Variants in NCKAP5 observed in about 807,000 individuals in gnomAD.
NCKAP5 encodes NCK associated protein 5, also known as nck-associated protein 5.
Under a neutral mutation model 167.0 loss-of-function variants are expected in NCKAP5, and 92 were observed. That is an observed-to-expected ratio of 0.55 (90% confidence interval 0.47 to 0.66). The LOEUF (loss-of-function observed/expected upper bound fraction) is 0.66, where lower values mean the gene tolerates loss of function less well. NCKAP5 is among the 30% of genes least tolerant of loss of function. The pLI, the probability that NCKAP5 is intolerant of heterozygous loss-of-function variation, is 0.00. For missense variants in NCKAP5, 2,378 were observed against 2,315.0 expected, an observed-to-expected ratio of 1.03 and a Z score of -0.56; for synonymous variants, 891 against 877.4, an observed-to-expected ratio of 1.02 and a Z score of -0.27.
chr2:133,423,133 C>G (rs1689588113), intron 3 of NCKAP5, among the ~76,000 whole-genome samples: 1 of 152,166 alleles, frequency 6.6e-6, no homozygotes, highest in Admixed American at 6.5e-5. Flanking sequence ...TGCACACTTC[C>G]CCAAGTGTTT....
At chr2:132,864,034 T>G (rs573260873) in intron 10 of NCKAP5, among the ~76,000 whole-genome samples, 1 of 152,310 alleles carries the variant, frequency 6.6e-6, no homozygotes, top group South Asian at 2.1e-4. Flanking sequence ...TTAGGCTGGA[T>G]GCAAGAGCAG....
chr2:133,401,292 C>T (rs1177186608), intron 3 of NCKAP5, among the ~76,000 whole-genome samples: 1 of 152,166 alleles, frequency 6.6e-6, no homozygotes, highest in Admixed American at 6.5e-5. Flanking sequence ...GAATCTTTTC[C>T]ATTTGGCTGT....
At chr2:133,171,120 T>G (rs919573143) in intron 5 of NCKAP5, among the ~76,000 whole-genome samples, 69 of 152,132 alleles carry the variant, frequency 4.5e-4, no homozygotes, top group African/African-American at 1.7e-3. Context: ...AGTAGAGAGA[T>G]AAAGGGAGCA....
intron 4 of NCKAP5, chr2:133,265,025 AGGGAGGT>A (rs1399120709): frequency 6.6e-6 from 1 of 152,218 alleles, no homozygotes; most frequent in Non-Finnish European, 1.5e-5. Context: ...GTGTCTTAGG[AGGGAGGT>A]GGCATGAAGC....
At chr2:133,163,908 A>C (rs1054793828) in intron 5 of NCKAP5, among the ~76,000 whole-genome samples, 1 of 152,210 alleles carries the variant, frequency 6.6e-6, no homozygotes, top group Non-Finnish European at 1.5e-5. Context: ...GTACATCTAC[A>C]CTAAATAATT....
chr2:133,318,170 A>T (rs930984503), intron 3 of NCKAP5, among the ~76,000 whole-genome samples: 2 of 152,192 alleles, frequency 1.3e-5, no homozygotes, highest in African/African-American at 4.8e-5. Context: ...ATCATGCCTC[A>T]GTCAATTGCC....
At chr2:132,803,347 A>G (rs1447692954) in intron 11 of NCKAP5, among the ~76,000 whole-genome samples, 1 of 152,242 alleles carries the variant, frequency 6.6e-6, no homozygotes, top group Non-Finnish European at 1.5e-5. Context: ...ATCAATGTTT[A>G]GCTGCCCTGA....
In NCKAP5 at chr2:133,193,280, G is replaced by A. The variant is rs1011895219; in HGVS notation, c.207+20436C>T. 4.6e-5 allele frequency among the ~76,000 whole-genome samples: 7 copies of A among 152,076 alleles called. No homozygotes were observed. The South Asian group carries it at 1.2e-3, about 27-fold the overall frequency. On this transcript the variant is annotated intron_variant, in intron 5 of 19. Transcript: ENST00000409261. ...GAGAAGGGGAAATGGTTGTGGCTAT[G>A]AAAGCACAACGTAAGGGATCCATGT...
intron 3 of NCKAP5, among the ~76,000 whole-genome samples, chr2:133,342,867 G>A (rs2150774411): frequency 6.6e-6 from 1 of 152,234 alleles, no homozygotes; most frequent in South Asian, 2.1e-4. Context: ...GACAGGCTAG[G>A]AGGACACCAG....
chr2:133,137,406 T>TTGTGTGTGTGTGTGTGTGTGTGTG (rs58955655), intron 5 of NCKAP5, among the ~76,000 whole-genome samples: 3 of 136,204 alleles, frequency 2.2e-5, no homozygotes, highest in Admixed American at 7.3e-5. Context: ...GAGCTTGGTT[T>TTGTGTGTGTGTGTGTGTGTGTGTG]TGTGTGTGTG....
chr2:132,945,479 T>C (rs1697646324), intron 8 of NCKAP5, among the ~76,000 whole-genome samples: 1 of 152,020 alleles, frequency 6.6e-6, no homozygotes, highest in Non-Finnish European at 1.5e-5. Flanking sequence ...AACAGCTGGA[T>C]GCGTGATAAG....
chr2:132,785,011 A>T lies in NCKAP5; in HGVS notation c.1800T>A (p.Ser600Arg). 1.2e-6 allele frequency: 2 copies of T among 1,613,950 alleles called. No homozygotes were observed. Among genetic ancestry groups the T allele is most frequent in the South Asian group, 1.1e-5 (1 of 91,064 alleles). Residue 600 changes from serine to arginine, a missense_variant, in exon 14 of 20, where the codon AGT becomes AGA. This residue lies in a region of NCKAP5 where 1,049 missense variants were observed against 1,023.4 expected (regional missense o/e 1.02). Transcript: ENST00000409261. ...CGGCAGCCAATGACACGTCTGAAGG[A>T]CTTTTCTCATCACTGCTCTCTATGT... Reference protein sequence around the residue: ...ELHIESSDEKSPSDVSLAADT... With the variant: ...ELHIESSDEKRPSDVSLAADT...
intron 5 of NCKAP5, among the ~76,000 whole-genome samples, chr2:133,180,538 T>C (rs1260928705): frequency 6.6e-6 from 1 of 151,986 alleles, no homozygotes; most frequent in Non-Finnish European, 1.5e-5. Context: ...GCGGTTTCAC[T>C]ATGTTACCCA....
intron 19 of NCKAP5, among the ~76,000 whole-genome samples, chr2:132,677,667 G>C (rs1684667058): frequency 6.6e-6 from 1 of 152,042 alleles, no homozygotes; most frequent in African/African-American, 2.4e-5. Context: ...TCAGGACCAT[G>C]AGTTGCCCAG....
chr2:132,687,927 G>A (rs1686180069), intron 19 of NCKAP5, among the ~76,000 whole-genome samples: 1 of 152,186 alleles, frequency 6.6e-6, no homozygotes, highest in Non-Finnish European at 1.5e-5. Flanking sequence ...AGTGAGAGAT[G>A]TACTACTTTA....
chr2:133,114,476 T>A (rs527331126), intron 6 of NCKAP5, among the ~76,000 whole-genome samples: 1 of 152,340 alleles, frequency 6.6e-6, no homozygotes, highest in South Asian at 2.1e-4. Context: ...TTTAAATATG[T>A]CTTTTAAAAA....
rs1689215168 is a variant in NCKAP5, at chr2:133,417,774, T to C, written c.69+99684A>G. ...TGCCTGGAGAAGAGAAGGCTGGAGG[T>C]GGGGTGGGTCAAGTAGGCCATAATG... On this transcript the variant is annotated intron_variant, in intron 3 of 19. Transcript: ENST00000409261. 2.0e-5 allele frequency among the ~76,000 whole-genome samples: 3 copies of C among 151,724 alleles called. No homozygotes were observed. The South Asian group carries it at 6.3e-4, about 32-fold the overall frequency.
the NCKAP5 span, among the ~76,000 whole-genome samples, chr2:133,590,228 C>A: frequency 6.6e-6 from 1 of 152,072 alleles, no homozygotes; most frequent in African/African-American, 2.4e-5. Flanking sequence ...CGGTGGCTCA[C>A]GCCTGTAATT....
At chr2:132,967,574 T>C (rs990823808) in intron 7 of NCKAP5, among the ~76,000 whole-genome samples, 1 of 152,032 alleles carries the variant, frequency 6.6e-6, no homozygotes. Context: ...AGTTGAATAA[T>C]AGGATTGGGG....
Sources: gnomAD v4.1 joint callset for allele counts (sites outside exome capture counted in the v4.1 genomes callset) on GRCh38, gnomAD v4.1.1 for gene constraint, gnomAD v4.1.1 regional missense constraint, MANE v1.5 for transcripts, NCBI Gene and HGNC (gene_info 2026-07-23, HGNC 2026-07-21) for gene names.